Variants in NCKAP5 observed in about 807,000 individuals in gnomAD.
NCKAP5 encodes the protein NCK associated protein 5.
NCKAP5 carries 92 observed loss-of-function variants against 167.0 expected under a neutral mutation model. The observed-to-expected ratio is 0.55, with a 90% CI of 0.47 to 0.66. NCKAP5 has a LOEUF of 0.66. Ranked by LOEUF, NCKAP5 falls within the 30% of genes least tolerant of loss-of-function variation. The pLI, the probability that NCKAP5 is intolerant of heterozygous loss-of-function variation, is 0.00. For missense variants in NCKAP5, 2,378 were observed against 2,315.0 expected, an observed-to-expected ratio of 1.03 and a Z score of -0.56; for synonymous variants, 891 against 877.4, an observed-to-expected ratio of 1.02 and a Z score of -0.27.
At chr2:133,095,544 T>C (rs917739812) in intron 6 of NCKAP5, among the ~76,000 whole-genome samples, 2 of 152,226 alleles carry the variant, frequency 1.3e-5, no homozygotes, top group South Asian at 2.1e-4. Context: ...TACTGAATGA[T>C]GAGACCCCGC....
intron 3 of NCKAP5, among the ~76,000 whole-genome samples, chr2:133,511,851 C>T (rs1386157346): frequency 6.6e-6 from 1 of 152,204 alleles, no homozygotes; most frequent in African/African-American, 2.4e-5. Context: ...AAAGATCAGG[C>T]TTCCCAGAGG....
At chr2:133,212,780 C>T (rs1026965176) in intron 5 of NCKAP5, among the ~76,000 whole-genome samples, 1 of 152,218 alleles carries the variant, frequency 6.6e-6, no homozygotes, top group Non-Finnish European at 1.5e-5. Flanking sequence ...TCAAGGGCCA[C>T]TGTGCCTTCC....
chr2:133,632,141 C>A, the NCKAP5 span, among the ~76,000 whole-genome samples: 2 of 152,248 alleles, frequency 1.3e-5, no homozygotes, highest in South Asian at 4.1e-4. Flanking sequence ...GGAGTGTTCA[C>A]CAGGGGGAGG....
the NCKAP5 span, among the ~76,000 whole-genome samples, chr2:133,575,739 G>A: frequency 6.6e-6 from 1 of 152,158 alleles, no homozygotes; most frequent in Non-Finnish European, 1.5e-5. Context: ...CTCTCCTACT[G>A]CTGCTGGCCA....
At chr2:132,941,164 T>C (rs1184815162) in intron 8 of NCKAP5, among the ~76,000 whole-genome samples, 1 of 152,172 alleles carries the variant, frequency 6.6e-6, no homozygotes, top group Non-Finnish European at 1.5e-5. Flanking sequence ...CTCTTTAGCC[T>C]CCAAATCAAA....
At position 133,270,696 on chromosome 2, in the gene NCKAP5, A is replaced by G. The variant is rs146592809; in HGVS notation, c.143+32341T>C. 9.1e-3 allele frequency among the ~76,000 whole-genome samples: 1,391 copies of G among 152,182 alleles called. 17 individuals are homozygous for G. Among genetic ancestry groups the G allele is most frequent in the African/African-American group, 0.031 (1,307 of 41,506 alleles). On this transcript the variant is annotated intron_variant, in intron 4 of 19. Transcript: ENST00000409261. ...TATCTTTGATTGGTTGCTTTCCACA[A>G]CCAATCAGATGCTTGCATAGGGTGT...
intron 3 of NCKAP5, among the ~76,000 whole-genome samples, chr2:133,396,141 GGAGTTTAA>G (rs753569893): frequency 6.6e-6 from 1 of 151,970 alleles, no homozygotes; most frequent in Non-Finnish European, 1.5e-5. Flanking sequence ...AATTCTGCTT[GGAGTTTAA>G]TCAAGGTAAA....
At chr2:133,363,494 C>T (rs1685258679) in intron 3 of NCKAP5, among the ~76,000 whole-genome samples, 1 of 152,140 alleles carries the variant, frequency 6.6e-6, no homozygotes, top group African/African-American at 2.4e-5. Flanking sequence ...TAGGATGTTT[C>T]ATAACTTTAC....
chr2:132,784,867 A>T lies in NCKAP5; in HGVS notation c.1944T>A (p.Thr648=). 1 of 1,560,466 alleles carries T rather than the reference A, an allele frequency of 6.4e-7. No individual in the cohort carries two copies. Residue 648 remains threonine (T), a synonymous_variant, in exon 14 of 20, where the codon ACT becomes ACA. Coordinates refer to ENST00000409261, the MANE Select transcript of NCKAP5 (RefSeq NM_207363.3). ...VPIPSETRPK[T]FSFIKQQRVV... is the part of the protein sequence containing the mutation. Reference sequence around the variant, plus strand: ...CTCTTTGCTGCTTAATGAAACTAAAAGTCTTTGGCCTAGTCTCTGAAGGGA... The same window carrying T: ...CTCTTTGCTGCTTAATGAAACTAAATGTCTTTGGCCTAGTCTCTGAAGGGA...
chr2:132,903,230 A>G (rs191008660), intron 8 of NCKAP5, among the ~76,000 whole-genome samples: 11 of 152,232 alleles, frequency 7.2e-5, no homozygotes, highest in Admixed American at 7.2e-4. Context: ...TTAAACCAAA[A>G]ATGCAGTTCC....
chr2:133,553,612 A>G (rs1047987710), intron 2 of NCKAP5, among the ~76,000 whole-genome samples: 11 of 152,202 alleles, frequency 7.2e-5, no homozygotes, highest in Admixed American at 5.2e-4. Flanking sequence ...AGTGTGGGCT[A>G]GAGCCAAATC....
chr2:133,649,428 C>CA, the NCKAP5 span, among the ~76,000 whole-genome samples: 2 of 151,238 alleles, frequency 1.3e-5, no homozygotes, highest in East Asian at 1.9e-4. Flanking sequence ...AAAGACAACA[C>CA]AAAAAAAGAA....
intron 3 of NCKAP5, among the ~76,000 whole-genome samples, chr2:133,458,739 TG>T (rs1264441238): frequency 2.6e-5 from 4 of 152,122 alleles, no homozygotes; most frequent in Non-Finnish European, 5.9e-5. Context: ...GAGGAGGATC[TG>T]GGTGGCAGGA....
At chr2:133,585,445 A>G in the NCKAP5 span, among the ~76,000 whole-genome samples, 646 of 152,342 alleles carry the variant, frequency 4.2e-3, 8 homozygotes, top group Middle Eastern at 0.01. Flanking sequence ...ACACTCTATT[A>G]TCTACTACCT....
the NCKAP5 span, among the ~76,000 whole-genome samples, chr2:133,602,763 T>C: frequency 6.6e-6 from 1 of 152,160 alleles, no homozygotes; most frequent in Non-Finnish European, 1.5e-5. Context: ...CCATGGTTTG[T>C]CAACCCCCGG....
chr2:132,897,111 G>C (rs1260055133), intron 8 of NCKAP5, among the ~76,000 whole-genome samples: 2 of 152,188 alleles, frequency 1.3e-5, no homozygotes, highest in East Asian at 3.8e-4. Flanking sequence ...CTTCATAGTA[G>C]AATAATCCAT....
chr2:133,133,332 G>C (rs1330234877), intron 5 of NCKAP5, among the ~76,000 whole-genome samples: 1 of 152,196 alleles, frequency 6.6e-6, no homozygotes, highest in Non-Finnish European at 1.5e-5. Flanking sequence ...CTGCCTAGGA[G>C]AGCCTCATGA....
At position 133,362,968 on chromosome 2, in the gene NCKAP5, G is replaced by A. The variant is rs568343752; in HGVS notation, c.70-59858C>T. On this transcript the variant is annotated intron_variant, in intron 3 of 19. Coordinates refer to ENST00000409261, the MANE Select transcript of NCKAP5 (RefSeq NM_207363.3). The stretch of plus-strand genomic sequence containing the variant: ...TTTTCGGTAGAGATGGGGTTTCACC[G>A]TGTCAGCCAGGATGGTCTCGATCTC... Among the ~76,000 whole-genome samples the A allele has an allele frequency of 5.3e-5, 8 of 151,302 alleles. No homozygotes were observed. In the South Asian group the frequency reaches 1.3e-3, roughly 24 times the overall value.
At chr2:132,709,872 G>A (rs1348283479) in intron 19 of NCKAP5, among the ~76,000 whole-genome samples, 2 of 151,940 alleles carry the variant, frequency 1.3e-5, no homozygotes, top group South Asian at 2.1e-4. Context: ...CAAAGTACAC[G>A]ACAAAGTACA....
Sources: allele counts gnomAD v4.1 joint callset (sites outside exome capture counted in the v4.1 genomes callset), GRCh38; gene constraint gnomAD v4.1.1; transcripts MANE v1.5; gene names NCBI Gene and HGNC (gene_info 2026-07-23, HGNC 2026-07-21).